Variants in ZFAND3 observed in about 807,000 individuals in gnomAD.
The protein encoded by ZFAND3 is AN1-type zinc finger protein 3.
In ZFAND3, 10 loss-of-function variants were observed where a neutral mutation model predicts 29.6. That is an observed-to-expected ratio of 0.34 (90% CI 0.21 to 0.57). The LOEUF is 0.57. Among genes scored for constraint, ZFAND3 ranks in the 20% least tolerant of loss-of-function variants. The probability of loss-of-function intolerance (pLI) is 0.86; values close to 1 mark genes in which losing one functional copy is unlikely to be tolerated. For missense variants in ZFAND3, 230 were observed against 304.5 expected, an observed-to-expected ratio of 0.76 and a Z score of 1.82; for synonymous variants, 128 against 112.6, an observed-to-expected ratio of 1.14 and a Z score of -0.87.
chr6:37,986,524 G>A (rs562735910), intron 2 of ZFAND3, among the ~76,000 whole-genome samples: 159 of 152,262 alleles, frequency 1.0e-3, no homozygotes, highest in African/African-American at 3.4e-3. Flanking sequence ...GTTTTCTTGT[G>A]ACATTTGTTG....
At chr6:37,827,010 A>G (rs1763772859) in intron 1 of ZFAND3, among the ~76,000 whole-genome samples, 1 of 152,180 alleles carries the variant, frequency 6.6e-6, no homozygotes, top group Admixed American at 6.5e-5. Context: ...TAGAATGTTG[A>G]CTGATGGGCA....
At chr6:37,983,917 C>T (rs184873514) in intron 2 of ZFAND3, among the ~76,000 whole-genome samples, 13 of 152,214 alleles carry the variant, frequency 8.5e-5, no homozygotes, top group African/African-American at 2.9e-4. Context: ...AAAGATAACC[C>T]CATTGTTCAG....
intron 2 of ZFAND3, among the ~76,000 whole-genome samples, chr6:37,973,997 T>A (rs1762434646): frequency 6.6e-6 from 1 of 152,236 alleles, no homozygotes; most frequent in Non-Finnish European, 1.5e-5. Flanking sequence ...AAAGTTTTCC[T>A]GTACTCAAAA....
At chr6:37,839,704 G>A (rs1764036481) in intron 1 of ZFAND3, among the ~76,000 whole-genome samples, 1 of 151,274 alleles carries the variant, frequency 6.6e-6, no homozygotes, top group Admixed American at 6.6e-5. Context: ...TAGTAGAGAC[G>A]GGGTGTCACC....
At chr6:37,879,339 G>T (rs553549001) in intron 1 of ZFAND3, among the ~76,000 whole-genome samples, 12 of 147,806 alleles carry the variant, frequency 8.1e-5, no homozygotes, top group South Asian at 4.3e-4. Flanking sequence ...TTTTTGTTTT[G>T]TTTTTTTTTT....
chr6:37,839,607 C>T (rs1465700944), intron 1 of ZFAND3, among the ~76,000 whole-genome samples: 7 of 151,370 alleles, frequency 4.6e-5, no homozygotes, highest in Admixed American at 3.9e-4. Context: ...CTCTGCCTCC[C>T]GGGTTCAAGT....
rs531594110 is a variant in ZFAND3, at chr6:38,091,595, CCCAAAGCAGTCTTA to C, written c.361+9142_361+9155del. On this transcript the variant is annotated intron_variant, in intron 4 of 5. Coordinates refer to ENST00000287218, the MANE Select transcript of ZFAND3 (RefSeq NM_021943.3). ...GGCAGCATGTTAGAAACGCAGCCTT[CCCAAAGCAGTCTTA>C]CCAGAAGGAGTGGGATAGAACAGCC... Among the ~76,000 whole-genome samples, 127 of 150,158 alleles carry C rather than the reference CCCAAAGCAGTCTTA, an allele frequency of 8.5e-4. 2 individuals are homozygous for C. The East Asian group carries it at 0.021, about 25-fold the overall frequency.
intron 1 of ZFAND3, among the ~76,000 whole-genome samples, chr6:37,829,786 CTGA>C (rs1429355379): frequency 6.6e-6 from 1 of 152,262 alleles, no homozygotes; most frequent in Non-Finnish European, 1.5e-5. Context: ...ATTTGTAAGG[CTGA>C]TGATCTTCTT....
At chr6:37,927,562 G>A (rs1039369505) in intron 1 of ZFAND3, among the ~76,000 whole-genome samples, 2 of 152,174 alleles carry the variant, frequency 1.3e-5, no homozygotes, top group Non-Finnish European at 2.9e-5. Context: ...ATGGAGAGGC[G>A]CCTCTAGTTC....
intron 5 of ZFAND3, among the ~76,000 whole-genome samples, chr6:38,148,925 G>T (rs1403557999): frequency 6.6e-6 from 1 of 152,178 alleles, no homozygotes; most frequent in African/African-American, 2.4e-5. Context: ...TAACCTCAGT[G>T]CAGCTACTTG....
chr6:38,111,949 T>TG (rs908258778), intron 4 of ZFAND3, among the ~76,000 whole-genome samples: 1 of 152,182 alleles, frequency 6.6e-6, no homozygotes, highest in African/African-American at 2.4e-5. Context: ...TTGGTATCCT[T>TG]GGGGGGTCCT....
intron 2 of ZFAND3, among the ~76,000 whole-genome samples, chr6:37,940,973 C>T (rs541366218): frequency 2.0e-5 from 3 of 152,254 alleles, no homozygotes; most frequent in African/African-American, 7.2e-5. Flanking sequence ...TTTTTAAAGG[C>T]AGTAAAATCC....
At chr6:38,104,304 C>T (rs1765165683) in intron 4 of ZFAND3, among the ~76,000 whole-genome samples, 2 of 150,698 alleles carry the variant, frequency 1.3e-5, no homozygotes, top group Admixed American at 6.6e-5. Context: ...AGGACACTCT[C>T]GGGGTGGTTG....
At chr6:37,896,261 T>G (rs528995733) in intron 1 of ZFAND3, among the ~76,000 whole-genome samples, 1 of 152,280 alleles carries the variant, frequency 6.6e-6, no homozygotes, top group Non-Finnish European at 1.5e-5. Flanking sequence ...CAAAAAACCG[T>G]GGATGAATAT....
chr6:37,820,386 C>T lies in ZFAND3; in HGVS notation c.71+370C>T, dbSNP rs952057824. Among the ~76,000 whole-genome samples, 8 of 152,332 alleles carry T rather than the reference C, an allele frequency of 5.3e-5. No homozygotes were observed. In the East Asian group the frequency reaches 9.7e-4, roughly 18 times the overall value. ...CGTGGGCATGTGGAAGCCAGCCCTT[C>T]CTCCCTCCCGGGGCGTGAGTTGGTG... On this transcript the variant is annotated intron_variant, in intron 1 of 5. Coordinates refer to ENST00000287218, the MANE Select transcript of ZFAND3 (RefSeq NM_021943.3).
chr6:37,931,543 A>C (rs1158357805), intron 2 of ZFAND3, among the ~76,000 whole-genome samples: 1 of 100,650 alleles, frequency 9.9e-6, no homozygotes, highest in Non-Finnish European at 2.1e-5. Context: ...ACTCCGTCTC[A>C]AAAAAAAAAA....
intron 1 of ZFAND3, among the ~76,000 whole-genome samples, chr6:37,848,757 T>C (rs1377928056): frequency 6.6e-6 from 1 of 152,018 alleles, no homozygotes; most frequent in Non-Finnish European, 1.5e-5. Flanking sequence ...CTTGGGAGGG[T>C]TGTGTTTGCG....
chr6:38,045,054 T>TTTATTTATTTA (rs1763869687), intron 2 of ZFAND3, among the ~76,000 whole-genome samples: 146 of 134,784 alleles, frequency 1.1e-3, no homozygotes, highest in African/African-American at 2.4e-3. Context: ...GTGGAAATTC[T>TTTATTTATTTA]TTTATTTATT....
Position 37,883,081 on chromosome 6 carries a change from G to A in ZFAND3, c.72-46878G>A, listed in dbSNP as rs77197074. Among the ~76,000 whole-genome samples, 47 of 152,136 alleles carry A rather than the reference G, an allele frequency of 3.1e-4. No individual in the cohort carries two copies. The East Asian group carries it at 4.4e-3, about 14-fold the overall frequency. ...AAAAAAATTTAAAAACAATTAGCTC[G>A]GTATAGAGTTGTGCACCTGTAGTCC... is the stretch of plus-strand genomic sequence containing the variant. On this transcript the variant is annotated intron_variant, in intron 1 of 5. Transcript: ENST00000287218.
Sources: allele counts gnomAD v4.1 joint callset (sites outside exome capture counted in the v4.1 genomes callset), GRCh38; gene constraint gnomAD v4.1.1; transcripts MANE v1.5; gene names NCBI Gene and HGNC (gene_info 2026-07-23, HGNC 2026-07-21).